Variants in LRRC4C observed in about 807,000 individuals in gnomAD.
LRRC4C encodes the protein leucine rich repeat containing 4C, also known as leucine-rich repeat-containing protein 4C.
Under a neutral mutation model 33.6 loss-of-function variants are expected in LRRC4C, and 5 were observed. The observed-to-expected ratio is 0.15, with a 90% CI of 0.08 to 0.31. The LOEUF is 0.31. Ranked by LOEUF, LRRC4C falls within the 10% of genes least tolerant of loss-of-function variation. LRRC4C has a pLI of 1.00. For missense variants in LRRC4C, 560 were observed against 796.7 expected (o/e 0.70, Z 3.58); for synonymous variants, 329 against 302.0 (o/e 1.09, Z -0.93).
chr11:41,058,155 C>T (rs767744385), intron 1 of LRRC4C, among the ~76,000 whole-genome samples: 2 of 152,320 alleles, frequency 1.3e-5, no homozygotes, highest in African/African-American at 4.8e-5. Context: ...AGAAGAACTG[C>T]GATTCTTCAG....
At chr11:40,696,748 GTATATATA>G (rs57752272) in intron 2 of LRRC4C, among the ~76,000 whole-genome samples, 2 of 125,896 alleles carry the variant, frequency 1.6e-5, no homozygotes, top group African/African-American at 6.3e-5. Context: ...TATACACTGT[GTATATATA>G]TATATATATA....
intron 1 of LRRC4C, among the ~76,000 whole-genome samples, chr11:41,039,136 C>A (rs1439262049): frequency 6.6e-6 from 1 of 152,108 alleles, no homozygotes; most frequent in African/African-American, 2.4e-5. Context: ...TAGTTTCATT[C>A]TTCTGCATAT....
intron 2 of LRRC4C, among the ~76,000 whole-genome samples, chr11:40,806,374 T>G (rs774918091): frequency 6.6e-6 from 1 of 152,234 alleles, no homozygotes; most frequent in African/African-American, 2.4e-5. Flanking sequence ...CCAGCTTTAT[T>G]TGTAGCTCTA....
chr11:41,030,553 T>G (rs888105067), intron 1 of LRRC4C, among the ~76,000 whole-genome samples: 5 of 151,804 alleles, frequency 3.3e-5, no homozygotes, highest in Non-Finnish European at 5.9e-5. Context: ...CATGCTAAAG[T>G]GACAATCATA....
At chr11:40,488,968 T>C (rs1056265389) in intron 3 of LRRC4C, among the ~76,000 whole-genome samples, 2 of 152,092 alleles carry the variant, frequency 1.3e-5, no homozygotes, top group Non-Finnish European at 2.9e-5. Context: ...GCATAAAAGG[T>C]TTTGGGCTCA....
At chr11:40,279,039 G>T (rs1293104646) in intron 4 of LRRC4C, among the ~76,000 whole-genome samples, 1 of 152,144 alleles carries the variant, frequency 6.6e-6, no homozygotes, top group Non-Finnish European at 1.5e-5. Flanking sequence ...GATTAAAATA[G>T]CCCATGAAAG....
At chr11:40,122,030 G>A (rs1234650269) in intron 6 of LRRC4C, among the ~76,000 whole-genome samples, 2 of 152,046 alleles carry the variant, frequency 1.3e-5, no homozygotes, top group Admixed American at 1.3e-4. Context: ...TTCCACCAAA[G>A]CAAATGGCTT....
intron 1 of LRRC4C, among the ~76,000 whole-genome samples, chr11:41,289,733 T>C (rs1326346620): frequency 6.6e-6 from 1 of 152,208 alleles, no homozygotes; most frequent in Non-Finnish European, 1.5e-5. Flanking sequence ...AGCCAACCAG[T>C]CTTGTTGTTA....
intron 2 of LRRC4C, among the ~76,000 whole-genome samples, chr11:40,676,707 A>T (rs1378003031): frequency 6.6e-6 from 1 of 152,160 alleles, no homozygotes; most frequent in African/African-American, 2.4e-5. Context: ...ATCTTGACCA[A>T]TTTGGCTCAA....
At chr11:41,070,506 G>A (rs1479642982) in intron 1 of LRRC4C, among the ~76,000 whole-genome samples, 1 of 152,054 alleles carries the variant, frequency 6.6e-6, no homozygotes, top group African/African-American at 2.4e-5. Flanking sequence ...GAAAATTTTT[G>A]CAATCTACCC....
chr11:40,546,099 T>TTCCC (rs1184685232), intron 3 of LRRC4C, among the ~76,000 whole-genome samples: 3 of 148,676 alleles, frequency 2.0e-5, no homozygotes, highest in African/African-American at 7.5e-5. Context: ...CCTTCCTTCC[T>TTCCC]TCCTTCCTTC....
intron 2 of LRRC4C, among the ~76,000 whole-genome samples, chr11:40,742,936 A>G (rs1395299911): frequency 6.6e-6 from 1 of 152,088 alleles, no homozygotes; most frequent in Non-Finnish European, 1.5e-5. Flanking sequence ...CATACATATC[A>G]TACCAGCATC....
At chr11:40,736,493 C>T (rs188121049) in intron 2 of LRRC4C, among the ~76,000 whole-genome samples, 7 of 152,020 alleles carry the variant, frequency 4.6e-5, no homozygotes, top group East Asian at 1.9e-4. Context: ...TGTGTTTTTG[C>T]AGTAGAATTA....
chr11:40,681,154 G>A (rs1944665134), intron 2 of LRRC4C, among the ~76,000 whole-genome samples: 1 of 152,120 alleles, frequency 6.6e-6, no homozygotes, highest in Non-Finnish European at 1.5e-5. Context: ...AATAGCAGAG[G>A]TAATATAAAC....
intron 4 of LRRC4C, among the ~76,000 whole-genome samples, chr11:40,295,061 C>A (rs1250826140): frequency 1.3e-5 from 2 of 152,128 alleles, no homozygotes; most frequent in Non-Finnish European, 2.9e-5. Context: ...ATTCCAACAT[C>A]CCCTGCTCCA....
chr11:40,582,615 C>G (rs1958521397), intron 3 of LRRC4C, among the ~76,000 whole-genome samples: 1 of 148,758 alleles, frequency 6.7e-6, no homozygotes, highest in Admixed American at 6.8e-5. Context: ...CTCCCAGGTT[C>G]AAGTGATTCT....
chr11:40,894,145 C>G (rs1370370070), intron 2 of LRRC4C, among the ~76,000 whole-genome samples: 1 of 152,042 alleles, frequency 6.6e-6, no homozygotes, highest in Non-Finnish European at 1.5e-5. Flanking sequence ...TTGTTAGATA[C>G]TTTCTGTTAA....
At chr11:40,353,821 TTC>T (rs1415726463) in intron 3 of LRRC4C, among the ~76,000 whole-genome samples, 1 of 152,226 alleles carries the variant, frequency 6.6e-6, no homozygotes, top group African/African-American at 2.4e-5. Context: ...CTGTTCTGAA[TTC>T]TCTGTCATAC....
At chr11:40,922,692 G>C (rs1005278822) in intron 2 of LRRC4C, among the ~76,000 whole-genome samples, 1 of 152,180 alleles carries the variant, frequency 6.6e-6, no homozygotes, top group South Asian at 2.1e-4. Flanking sequence ...TGGAAAGTTG[G>C]AAGGCAAGGA....
Sources: allele counts gnomAD v4.1 joint callset (sites outside exome capture counted in the v4.1 genomes callset), GRCh38; gene constraint gnomAD v4.1.1; transcripts MANE v1.5; gene names NCBI Gene and HGNC (gene_info 2026-07-23, HGNC 2026-07-21).